ENTREP2: variants seen among roughly 807,000 people sequenced by gnomAD.
ENTREP2 encodes the protein protein ENTREP2.
the ENTREP2 span, among the ~76,000 whole-genome samples, chr15:29,127,012 G>A: frequency 6.6e-6 from 1 of 152,164 alleles, no homozygotes; most frequent in Non-Finnish European, 1.5e-5. Flanking sequence ...GCCTTGCCCT[G>A]GGAACAAGCG....
chr15:29,342,679 T>C, the ENTREP2 span, among the ~76,000 whole-genome samples: 1 of 152,226 alleles, frequency 6.6e-6, no homozygotes, highest in African/African-American at 2.4e-5. Flanking sequence ...TTGCCTGACA[T>C]GGCAGGTGAC....
the ENTREP2 span, among the ~76,000 whole-genome samples, chr15:29,201,615 A>C: frequency 6.6e-6 from 1 of 152,326 alleles, no homozygotes; most frequent in African/African-American, 2.4e-5. Context: ...GAATCCCTGG[A>C]ATAATCCCTC....
At chr15:29,427,100 C>T in the ENTREP2 span, among the ~76,000 whole-genome samples, 3 of 152,132 alleles carry the variant, frequency 2.0e-5, no homozygotes, top group African/African-American at 7.2e-5. Flanking sequence ...ATATTTAAAG[C>T]AAACTAGCAA....
the ENTREP2 span, among the ~76,000 whole-genome samples, chr15:29,282,257 GT>G: frequency 5.3e-5 from 8 of 152,116 alleles, no homozygotes; most frequent in African/African-American, 1.9e-4. Context: ...AGATCTGATG[GT>G]TTCATAAGGG....
the ENTREP2 span, among the ~76,000 whole-genome samples, chr15:29,481,166 G>A: frequency 2.6e-5 from 4 of 152,154 alleles, no homozygotes; most frequent in African/African-American, 4.8e-5. Flanking sequence ...TTCTGAAGAC[G>A]AGCCTGCAGG....
the ENTREP2 span, among the ~76,000 whole-genome samples, chr15:29,674,131 G>GC: frequency 1.0e-4 from 14 of 139,398 alleles, 1 homozygote; most frequent in African/African-American, 3.8e-4. Context: ...CAGAGGATGG[G>GC]GGGGGGGGGG....
the ENTREP2 span, among the ~76,000 whole-genome samples, chr15:29,655,336 T>C: frequency 2.6e-5 from 4 of 152,294 alleles, no homozygotes; most frequent in East Asian, 5.8e-4. Context: ...AGAGTCACCA[T>C]AGCAACAACA....
At chr15:29,304,431 T>C in the ENTREP2 span, among the ~76,000 whole-genome samples, 23 of 152,124 alleles carry the variant, frequency 1.5e-4, no homozygotes, top group Non-Finnish European at 3.1e-4. Context: ...ACTGAAATCA[T>C]AGCCACCACA....
At chr15:29,347,521 C>A in the ENTREP2 span, among the ~76,000 whole-genome samples, 1 of 151,990 alleles carries the variant, frequency 6.6e-6, no homozygotes, top group African/African-American at 2.4e-5. Flanking sequence ...ATTTTTTCTA[C>A]AGGAGATCAT....
At chr15:29,434,911 A>T in the ENTREP2 span, among the ~76,000 whole-genome samples, 1 of 152,076 alleles carries the variant, frequency 6.6e-6, no homozygotes, top group African/African-American at 2.4e-5. Flanking sequence ...TGTTAGGCAG[A>T]CTCCAAGACT....
the ENTREP2 span, among the ~76,000 whole-genome samples, chr15:29,617,417 C>T: frequency 6.6e-6 from 1 of 152,174 alleles, no homozygotes; most frequent in African/African-American, 2.4e-5. Context: ...GTGATCTTTA[C>T]TTAGTCAATG....
the ENTREP2 span, among the ~76,000 whole-genome samples, chr15:29,384,693 G>A: frequency 6.6e-6 from 1 of 151,916 alleles, no homozygotes; most frequent in South Asian, 2.1e-4. Flanking sequence ...TCTGTGGGCT[G>A]TCTTCCCTCC....
chr15:29,277,221 G>A, the ENTREP2 span, among the ~76,000 whole-genome samples: 3 of 152,168 alleles, frequency 2.0e-5, no homozygotes, highest in East Asian at 1.9e-4. Flanking sequence ...GCGGGTGCCT[G>A]TAGTCCCAGC....
the ENTREP2 span, chr15:29,120,298 AC>A: frequency 6.6e-6 from 1 of 152,218 alleles, no homozygotes; most frequent in African/African-American, 2.4e-5. Context: ...TTATTAAAAC[AC>A]CTTGAGGTAC....
the ENTREP2 span, among the ~76,000 whole-genome samples, chr15:29,167,258 G>A: frequency 6.6e-6 from 1 of 152,056 alleles, no homozygotes; most frequent in Non-Finnish European, 1.5e-5. Flanking sequence ...CATTGGCTTA[G>A]GCAAGGATTT....
chr15:29,168,480 G>T, the ENTREP2 span, among the ~76,000 whole-genome samples: 1 of 152,180 alleles, frequency 6.6e-6, no homozygotes, highest in African/African-American at 2.4e-5. Context: ...GAAATTTCTA[G>T]AGTGATGAGA....
the ENTREP2 span, among the ~76,000 whole-genome samples, chr15:29,401,323 TA>T: frequency 6.6e-6 from 1 of 152,028 alleles, no homozygotes; most frequent in Non-Finnish European, 1.5e-5. Context: ...TATAAATTAA[TA>T]AAAGAAACAA....
chr15:29,159,846 A>C, the ENTREP2 span, among the ~76,000 whole-genome samples: 1 of 152,268 alleles, frequency 6.6e-6, no homozygotes, highest in Admixed American at 6.5e-5. Context: ...AGTCCCCACC[A>C]GACTCAGGAG....
the ENTREP2 span, chr15:29,136,332 G>A: frequency 1.3e-4 from 186 of 1,466,806 alleles, no homozygotes; most frequent in South Asian, 3.7e-4. Context: ...GCATTCCCAC[G>A]GGAACTGGCT....
Sources: gnomAD v4.1 joint callset for allele counts (sites outside exome capture counted in the v4.1 genomes callset) on GRCh38, gnomAD v4.1.1 for gene constraint, MANE v1.5 for transcripts, NCBI Gene and HGNC (gene_info 2026-07-23, HGNC 2026-07-21) for gene names.